Variants in ZNF438 observed in about 807,000 individuals in gnomAD.
ZNF438 encodes zinc finger protein 438.
A neutral mutation model predicts 38.0 loss-of-function variants in ZNF438; 25 were observed. That is an observed-to-expected ratio of 0.66 (90% confidence interval 0.48 to 0.92). The LOEUF is 0.92. ZNF438 is among the 40% of genes least tolerant of loss of function. The pLI is 0.00. For missense variants in ZNF438, 1,007 were observed against 999.6 expected (o/e 1.01, Z -0.10); for synonymous variants, 372 against 364.1 (o/e 1.02, Z -0.25).
At chr10:30,933,016 G>T (rs2135339723) in intron 2 of ZNF438, among the ~76,000 whole-genome samples, 1 of 152,324 alleles carries the variant, frequency 6.6e-6, no homozygotes, top group Non-Finnish European at 1.5e-5. Context: ...CTTGACTTTA[G>T]ATTTCTAGCC....
At position 31,015,901 on chromosome 10, in the gene ZNF438, C is replaced by T. The variant is rs142624009; in HGVS notation, c.-192+15932G>A. Among the ~76,000 whole-genome samples the T allele has an allele frequency of 2.7e-4, 41 of 152,244 alleles. 1 individual carries two copies. In the East Asian group the frequency reaches 7.9e-3, roughly 29 times the overall value. On this transcript the variant is annotated intron_variant, in intron 1 of 5. Coordinates refer to ENST00000413025, the Ensembl canonical transcript of ZNF438. ...AGAGAGCTCTGGTATCTCTTCCTCT[C>T]CTTATAGGGGCACCAGTTCTATCTG...
In ZNF438 at chr10:30,892,334, T is replaced by C. The variant is rs558587250; in HGVS notation, c.-31-15269A>G. Among the ~76,000 whole-genome samples the C allele has an allele frequency of 2.3e-4, 30 of 131,528 alleles. No individual in the cohort carries two copies. In the South Asian group the frequency reaches 6.1e-3, roughly 27 times the overall value. The allele number at this position is 131,528 out of a possible 152,430, so 86.3% of individuals were successfully genotyped here. ...AATAACTAATAAGAAAATACAACAA[T>C]TGTAACAACATATAATGTGTGAATG... On this transcript the variant is annotated intron_variant, in intron 3 of 5. Transcript: ENST00000413025.
chr10:30,896,032 T>C (rs1312267381), intron 3 of ZNF438, among the ~76,000 whole-genome samples: 2 of 152,158 alleles, frequency 1.3e-5, no homozygotes, highest in Non-Finnish European at 2.9e-5. Context: ...CCAGGCACGG[T>C]GCCTCACGCC....
intron 1 of ZNF438, among the ~76,000 whole-genome samples, chr10:30,967,116 T>C (rs1426302479): frequency 6.6e-6 from 1 of 152,198 alleles, no homozygotes; most frequent in Non-Finnish European, 1.5e-5. Context: ...AAAGTACTCC[T>C]TTTCCCTGTA....
intron 4 of ZNF438, among the ~76,000 whole-genome samples, chr10:30,874,110 G>GTATATATATA (rs1483981955): frequency 3.2e-5 from 1 of 31,644 alleles, no homozygotes; most frequent in African/African-American, 1.7e-4. Context: ...GGGGGTGTGT[G>GTATATATATA]TGTGTATATA....
intron 3 of ZNF438, among the ~76,000 whole-genome samples, chr10:30,888,621 C>T (rs2040269583): frequency 6.6e-6 from 1 of 152,174 alleles, no homozygotes; most frequent in African/African-American, 2.4e-5. Context: ...TGAGAACATG[C>T]AGTATTTGGT....
At chr10:31,005,999 G>C (rs919084843) in intron 1 of ZNF438, among the ~76,000 whole-genome samples, 3 of 152,232 alleles carry the variant, frequency 2.0e-5, no homozygotes, top group South Asian at 4.1e-4. Context: ...GTGGTACACA[G>C]AATATTGCCT....
At chr10:30,940,337 C>T (rs1401557824) in intron 2 of ZNF438, among the ~76,000 whole-genome samples, 3 of 152,050 alleles carry the variant, frequency 2.0e-5, no homozygotes, top group Admixed American at 6.5e-5. Context: ...TATGCCACAA[C>T]GGTGATACAA....
At chr10:30,898,383 T>C (rs1412787020) in intron 3 of ZNF438, among the ~76,000 whole-genome samples, 1 of 152,078 alleles carries the variant, frequency 6.6e-6, no homozygotes, top group African/African-American at 2.4e-5. Context: ...GAACAGTAGG[T>C]ATATTCTGAT....
At chr10:30,981,427 G>C (rs1027888580) in intron 1 of ZNF438, among the ~76,000 whole-genome samples, 3 of 152,164 alleles carry the variant, frequency 2.0e-5, no homozygotes, top group Admixed American at 2.0e-4. Context: ...AGTAGGTACT[G>C]TACATAATAG....
intron 1 of ZNF438, among the ~76,000 whole-genome samples, chr10:30,946,646 T>C (rs1275940040): frequency 1.3e-5 from 2 of 152,216 alleles, no homozygotes; most frequent in Non-Finnish European, 2.9e-5. Context: ...GTAGACAGTA[T>C]AGTTAGGTCT....
intron 2 of ZNF438, among the ~76,000 whole-genome samples, chr10:30,932,492 T>C (rs940900376): frequency 1.3e-5 from 2 of 152,232 alleles, no homozygotes; most frequent in African/African-American, 4.8e-5. Flanking sequence ...AATCCTATAA[T>C]AACCTTACAG....
At chr10:31,010,910 AAAAAAAAAAAAAG>A (rs1589712182) in intron 1 of ZNF438, among the ~76,000 whole-genome samples, 2 of 127,232 alleles carry the variant, frequency 1.6e-5, no homozygotes, top group East Asian at 3.9e-4. Context: ...AAAAAAAAAA[AAAAAAAAAAAAAG>A]ATTTTGTTGA....
chr10:30,923,516 A>G (rs534096019), intron 2 of ZNF438: 3 of 152,312 alleles, frequency 2.0e-5, no homozygotes, highest in South Asian at 4.1e-4. Flanking sequence ...TCCACTTTCC[A>G]TCTTTTTCAT....
chr10:31,009,856 T>C (rs1190649901), intron 1 of ZNF438, among the ~76,000 whole-genome samples: 1 of 148,104 alleles, frequency 6.8e-6, no homozygotes, highest in Non-Finnish European at 1.5e-5. Context: ...TTTTTTTTTT[T>C]TTTTTTTGAG....
chr10:30,882,292 A>T (rs1157658845), intron 3 of ZNF438, among the ~76,000 whole-genome samples: 2 of 152,212 alleles, frequency 1.3e-5, no homozygotes, highest in African/African-American at 4.8e-5. Context: ...GAACATAAGA[A>T]GATGTTCAAC....
intron 1 of ZNF438, among the ~76,000 whole-genome samples, chr10:31,014,356 G>C (rs542904894): frequency 6.6e-6 from 1 of 152,192 alleles, no homozygotes; most frequent in African/African-American, 2.4e-5. Context: ...TCTGATAAGG[G>C]CCACTTCTGG....
intron 3 of ZNF438, among the ~76,000 whole-genome samples, chr10:30,890,565 G>T (rs1390419457): frequency 2.0e-5 from 3 of 152,056 alleles, no homozygotes; most frequent in Non-Finnish European, 4.4e-5. Context: ...CTTAGGTCAG[G>T]TCCTCACTGC....
intron 4 of ZNF438, among the ~76,000 whole-genome samples, chr10:30,869,397 G>C (rs1189524732): frequency 1.3e-5 from 2 of 151,500 alleles, no homozygotes; most frequent in Non-Finnish European, 2.9e-5. Context: ...AAAAAGAAAA[G>C]AAAAGAAAGA....
Sources: allele counts gnomAD v4.1 joint callset (sites outside exome capture counted in the v4.1 genomes callset), GRCh38; gene constraint gnomAD v4.1.1; transcripts MANE v1.5; gene names NCBI Gene and HGNC (gene_info 2026-07-23, HGNC 2026-07-21).